The following NCK2 variants were observed in gnomAD, a reference collection of about 807,000 sequenced individuals.
The protein encoded by NCK2 is NCK adaptor protein 2, also known as cytoplasmic protein NCK2.
Under a neutral mutation model 33.9 loss-of-function variants are expected in NCK2, and 16 were observed. The ratio of observed to expected loss-of-function variants is 0.47; its 90% CI spans 0.32 to 0.72. The LOEUF is 0.72. NCK2 is among the 30% of genes least tolerant of loss of function. The pLI is 0.03. For missense variants in NCK2, 418 were observed against 537.3 expected (o/e 0.78, Z 2.19); for synonymous variants, 273 against 239.9 (o/e 1.14, Z -1.27).
chr2:105,847,892 T>C (rs547063632), intron 2 of NCK2, among the ~76,000 whole-genome samples: 1 of 152,266 alleles, frequency 6.6e-6, no homozygotes, highest in South Asian at 2.1e-4. Flanking sequence ...TTAGCCACAC[T>C]GGGAGCATTA....
At chr2:105,807,714 CTTCCTTCCTTCCTTCT>C (rs1285225161) in intron 1 of NCK2, among the ~76,000 whole-genome samples, 1 of 117,908 alleles carries the variant, frequency 8.5e-6, no homozygotes, top group Non-Finnish European at 1.8e-5. Context: ...TTTTTCCTTC[CTTCCTTCCTTCCTTCT>C]TTCCTTCCTT....
At chr2:105,757,741 G>C (rs902615896) in intron 1 of NCK2, among the ~76,000 whole-genome samples, 1 of 152,208 alleles carries the variant, frequency 6.6e-6, no homozygotes, top group African/African-American at 2.4e-5. Context: ...ATCTCTGGGT[G>C]GGGGAAGCAC....
chr2:105,835,403 ATACG>A (rs1379768008), intron 2 of NCK2, among the ~76,000 whole-genome samples: 2 of 85,780 alleles, frequency 2.3e-5, no homozygotes, highest in Non-Finnish European at 5.3e-5. Flanking sequence ...ATATATATAT[ATACG>A]TGTATATATA....
intron 2 of NCK2, among the ~76,000 whole-genome samples, chr2:105,821,203 T>A (rs1035431806): frequency 2.2e-4 from 33 of 152,220 alleles, no homozygotes; most frequent in African/African-American, 8.0e-4. Context: ...TTTTATCATA[T>A]CCTGGTTGTT....
intron 2 of NCK2, among the ~76,000 whole-genome samples, chr2:105,842,774 T>G (rs978375428): frequency 6.6e-6 from 1 of 151,736 alleles, no homozygotes; most frequent in Non-Finnish European, 1.5e-5. Flanking sequence ...GGACAGTGAA[T>G]GCAGAGGTGG....
intron 2 of NCK2, among the ~76,000 whole-genome samples, chr2:105,832,859 ATTTTGTTTCGTTTCGT>A (rs1209903805): frequency 2.3e-5 from 3 of 128,872 alleles, no homozygotes; most frequent in African/African-American, 8.8e-5. Context: ...TTTTTTTTTT[ATTTTGTTTCGTTTCGT>A]TTTTGTTTCG....
chr2:105,749,454 C>A (rs1689384026), intron 1 of NCK2, among the ~76,000 whole-genome samples: 1 of 152,146 alleles, frequency 6.6e-6, no homozygotes, highest in African/African-American at 2.4e-5. Context: ...TCACATACAC[C>A]ATCATATTTA....
chr2:105,808,532 C>A (rs1675170918), intron 1 of NCK2, among the ~76,000 whole-genome samples: 1 of 152,176 alleles, frequency 6.6e-6, no homozygotes, highest in African/African-American at 2.4e-5. Context: ...AAGGATCTTT[C>A]ATCGAAGGAG....
chr2:105,770,347 C>G (rs1322710950), intron 1 of NCK2, among the ~76,000 whole-genome samples: 1 of 152,146 alleles, frequency 6.6e-6, no homozygotes, highest in Non-Finnish European at 1.5e-5. Context: ...GTGGCTCTAT[C>G]TAATGCTGAG....
chr2:105,781,503 C>T (rs561245179), intron 1 of NCK2, among the ~76,000 whole-genome samples: 11 of 152,236 alleles, frequency 7.2e-5, no homozygotes, highest in Non-Finnish European at 1.3e-4. Flanking sequence ...TATTTCTGCA[C>T]TCATTCCTGG....
At chr2:105,801,351 C>T (rs1674828057) in intron 1 of NCK2, among the ~76,000 whole-genome samples, 1 of 152,040 alleles carries the variant, frequency 6.6e-6, no homozygotes, top group Non-Finnish European at 1.5e-5. Flanking sequence ...CCAGCTCACT[C>T]GGCTTGCCTC....
chr2:105,886,823 A>G (rs1573252488), intron 4 of NCK2, among the ~76,000 whole-genome samples: 1 of 152,216 alleles, frequency 6.6e-6, no homozygotes, highest in African/African-American at 2.4e-5. Flanking sequence ...GTGGACAGGG[A>G]ACGCTCCGTT....
intron 1 of NCK2, among the ~76,000 whole-genome samples, chr2:105,782,017 A>T (rs1193081328): frequency 6.6e-6 from 1 of 152,200 alleles, no homozygotes; most frequent in Non-Finnish European, 1.5e-5. Flanking sequence ...CCTGCGGCCC[A>T]TCAGGTCCCT....
At chr2:105,791,893 G>A (rs944069700) in intron 1 of NCK2, among the ~76,000 whole-genome samples, 2 of 152,082 alleles carry the variant, frequency 1.3e-5, no homozygotes, top group African/African-American at 4.8e-5. Context: ...TTTTCTTTTT[G>A]GGAGGAGCAG....
At chr2:105,840,935 A>T (rs891838588) in intron 2 of NCK2, among the ~76,000 whole-genome samples, 1 of 150,514 alleles carries the variant, frequency 6.6e-6, no homozygotes, top group Non-Finnish European at 1.5e-5. Context: ...CTGCCCCCAC[A>T]GATCATTCTT....
chr2:105,744,756 G>T (rs1689202054), upstream of NCK2: 1 of 150,182 alleles, frequency 6.7e-6, no homozygotes, highest in South Asian at 1.9e-4. Flanking sequence ...CCCGCCCCGC[G>T]CGCCCGGGCC....
intron 3 of NCK2, among the ~76,000 whole-genome samples, chr2:105,857,416 G>A (rs968273203): frequency 3.9e-5 from 6 of 152,212 alleles, no homozygotes; most frequent in African/African-American, 7.2e-5. Flanking sequence ...CATTTTTGGC[G>A]AAAACAGATT....
intron 2 of NCK2, among the ~76,000 whole-genome samples, chr2:105,835,388 C>CGTATATATATGTATATATATATATAT: frequency 3.8e-5 from 2 of 52,096 alleles, no homozygotes; most frequent in African/African-American, 1.5e-4. Context: ...TATATATACA[C>CGTATATATATGTATATATATATATAT]ATATATATAT....
At chr2:105,838,176 G>A (rs545139195) in intron 2 of NCK2, among the ~76,000 whole-genome samples, 3 of 151,488 alleles carry the variant, frequency 2.0e-5, no homozygotes, top group East Asian at 1.9e-4. Context: ...AGAAAATCTT[G>A]TGTTCTCACA....
Sources: gnomAD v4.1 joint callset for allele counts (sites outside exome capture counted in the v4.1 genomes callset) on GRCh38, gnomAD v4.1.1 for gene constraint, MANE v1.5 for transcripts, NCBI Gene and HGNC (gene_info 2026-07-23, HGNC 2026-07-21) for gene names.